The following CEP63 variants were observed in gnomAD, a reference collection of about 807,000 sequenced individuals.
The protein encoded by CEP63 is centrosomal protein 63, also known as centrosomal protein of 63 kDa.
CEP63 carries 84 observed loss-of-function variants against 89.1 expected under a neutral mutation model. The observed-to-expected ratio is 0.94, with a 90% CI of 0.79 to 1.13. CEP63 has a LOEUF of 1.13. CEP63 is among the 50% of genes most tolerant of loss of function. The pLI, the probability that CEP63 is intolerant of heterozygous loss-of-function variation, is 0.00. For synonymous variants in CEP63, 267 were observed against 272.5 expected, an observed-to-expected ratio of 0.98 and a Z score of 0.20; for missense variants, 838 against 813.3, an observed-to-expected ratio of 1.03 and a Z score of -0.37.
chr3:134,558,455 C>G, intron 13 of CEP63, 108 bp downstream of exon 13: 1 of 827,618 alleles, frequency 1.2e-6, no homozygotes, highest in Non-Finnish European at 2.0e-6. Flanking sequence ...TCAAAGGACT[C>G]TATGTTTAAT....
At chr3:134,571,724 C>T (rs896827944) in intron 11 of CEP63, among the ~76,000 whole-genome samples, 1 of 152,038 alleles carries the variant, frequency 6.6e-6, no homozygotes, top group Non-Finnish European at 1.5e-5. Context: ...AGATACAAAG[C>T]ATTAAATGGA....
chr3:134,574,381 T>A (rs1020834367), intron 11 of CEP63, among the ~76,000 whole-genome samples: 2 of 152,148 alleles, frequency 1.3e-5, no homozygotes, highest in Non-Finnish European at 2.9e-5. Flanking sequence ...GCATTTTGGA[T>A]CCTTGACCTA....
At chr3:134,720,299 A>G in the CEP63 span, among the ~76,000 whole-genome samples, 1 of 152,148 alleles carries the variant, frequency 6.6e-6, no homozygotes, top group Non-Finnish European at 1.5e-5. Flanking sequence ...TTCCCATTAA[A>G]AAATAGGTTA....
At position 134,525,296 on chromosome 3, in the gene CEP63, T is replaced by C. The variant is rs533946039; in HGVS notation, c.223-6549T>C. ...TTCTTTATTAGTCTAGCTGGTGGTC[T>C]GTTTTAATTTTTTCAAGAAATCAGC... On this transcript the variant is annotated intron_variant, in intron 3 of 14. Coordinates refer to ENST00000675561, the MANE Select transcript of CEP63 (RefSeq NM_001353108.3). Among the ~76,000 whole-genome samples, 10 of 152,346 alleles carry C rather than the reference T, an allele frequency of 6.6e-5. No homozygotes were observed. The East Asian group carries it at 1.2e-3, about 18-fold the overall frequency.
the CEP63 span, chr3:134,607,214 G>T: frequency 1.0e-6 from 1 of 985,324 alleles, no homozygotes. Context: ...TTCTCAAATT[G>T]AGCAACTTCA....
At chr3:134,669,716 T>C in the CEP63 span, among the ~76,000 whole-genome samples, 2 of 152,214 alleles carry the variant, frequency 1.3e-5, no homozygotes, top group Non-Finnish European at 2.9e-5. Context: ...CTAAAGTGTC[T>C]GGTTAATTGA....
At position 134,580,873 on chromosome 3, in the gene CEP63, G is replaced by A. The variant is rs551834999; in HGVS notation, c.1207-6585G>A. ...TCAAAGGGAAATTAAGGTGCCAAAG[G>A]GAAATTGAGGTAGCCAATGTAATTA... On this transcript the variant is annotated intron_variant, in intron 10 of 10. Transcript: ENST00000683931. Among the ~76,000 whole-genome samples, 87 of 152,252 alleles carry A rather than the reference G, an allele frequency of 5.7e-4. 1 individual carries two copies. In the Middle Eastern group the frequency reaches 0.01, roughly 18 times the overall value.
the CEP63 span, among the ~76,000 whole-genome samples, chr3:134,675,640 A>C: frequency 6.6e-6 from 1 of 152,146 alleles, no homozygotes. Flanking sequence ...ATGCCTCATC[A>C]ATGACTCATA....
At chr3:134,621,019 G>A in the CEP63 span, among the ~76,000 whole-genome samples, 1 of 152,166 alleles carries the variant, frequency 6.6e-6, no homozygotes, top group South Asian at 2.1e-4. Flanking sequence ...GGGAGGAGGT[G>A]GGGGAAGTTG....
chr3:134,744,368 T>C, the CEP63 span, among the ~76,000 whole-genome samples: 1 of 152,174 alleles, frequency 6.6e-6, no homozygotes, highest in Non-Finnish European at 1.5e-5. Flanking sequence ...CTTTAGATTC[T>C]CAGAAGGATG....
intron 5 of CEP63, chr3:134,536,835 T>A (rs1950859553): frequency 2.9e-6 from 1 of 339,096 alleles, no homozygotes; most frequent in South Asian, 2.6e-5. Context: ...TTTCTGAAAA[T>A]TCACTAGAAA....
the CEP63 span, among the ~76,000 whole-genome samples, chr3:134,600,622 T>C: frequency 2.0e-5 from 3 of 152,202 alleles, no homozygotes; most frequent in Non-Finnish European, 4.4e-5. Flanking sequence ...CCTTCTGCCC[T>C]GTGGCCTGGG....
downstream of CEP63, among the ~76,000 whole-genome samples, chr3:134,579,482 G>A (rs765631399): frequency 3.9e-5 from 6 of 152,226 alleles, no homozygotes; most frequent in Non-Finnish European, 8.8e-5. Context: ...AACCATTCTA[G>A]TGGGTGTGTA....
the CEP63 span, among the ~76,000 whole-genome samples, chr3:134,749,132 A>G: frequency 6.6e-6 from 1 of 152,204 alleles, no homozygotes; most frequent in Non-Finnish European, 1.5e-5. Context: ...GACTCGCTGA[A>G]GACTTTTCAC....
chr3:134,614,244 G>A, the CEP63 span, among the ~76,000 whole-genome samples: 1 of 152,238 alleles, frequency 6.6e-6, no homozygotes, highest in East Asian at 1.9e-4. Context: ...CTCCTGAAGA[G>A]CTCCGACCAG....
At chr3:134,655,006 G>A in the CEP63 span, among the ~76,000 whole-genome samples, 3 of 152,192 alleles carry the variant, frequency 2.0e-5, no homozygotes, top group Non-Finnish European at 4.4e-5. Context: ...AGGCAAACCT[G>A]TTTCCAGACA....
At chr3:134,569,217 C>T (rs115721291), downstream of CEP63, among the ~76,000 whole-genome samples, 1 of 152,208 alleles carries the variant, frequency 6.6e-6, no homozygotes, top group South Asian at 2.1e-4. Flanking sequence ...TGTGTCCTCA[C>T]ATTTCAAAAC....
At position 134,561,807 on chromosome 3, in the gene CEP63, C is replaced by A; in HGVS notation, c.*272C>A. The A allele has an allele frequency of 8.1e-7, 1 of 1,238,656 alleles. No homozygotes were observed. Among genetic ancestry groups the A allele is most frequent in the Non-Finnish European group, 1.0e-6 (1 of 981,752 alleles). The allele number at this position is 1,238,656 out of a possible 1,614,324, so 76.7% of individuals were successfully genotyped here. A position where few individuals can be genotyped will look rare whatever the true frequency, so the allele number is the denominator to read the frequency against. Reference sequence around the variant, plus strand: ...GAATATTTATTATCATAAAGTGATACTTACCTTGCTGACTTAAATGTGAAT... The same window carrying A: ...GAATATTTATTATCATAAAGTGATAATTACCTTGCTGACTTAAATGTGAAT... On this transcript the variant is annotated 3_prime_UTR_variant, in exon 15 of 15. Coordinates refer to ENST00000675561, the MANE Select transcript of CEP63 (RefSeq NM_001353108.3).
chr3:134,741,466 C>T, the CEP63 span, among the ~76,000 whole-genome samples: 2 of 152,176 alleles, frequency 1.3e-5, no homozygotes, highest in South Asian at 2.1e-4. Context: ...CACCTGTGCA[C>T]AGCTCCCTGC....
Sources: allele counts gnomAD v4.1 joint callset (sites outside exome capture counted in the v4.1 genomes callset), GRCh38; gene constraint gnomAD v4.1.1; transcripts MANE v1.5; gene names NCBI Gene and HGNC (gene_info 2026-07-23, HGNC 2026-07-21).